Variants in DPH6 observed in about 807,000 individuals in gnomAD.
The protein encoded by DPH6 is diphthine--ammonia ligase.
A neutral mutation model predicts 38.2 loss-of-function variants in DPH6; 33 were observed. The ratio of observed to expected loss-of-function variants is 0.86; its 90% CI spans 0.65 to 1.15. The LOEUF (loss-of-function observed/expected upper bound fraction) is 1.15. Among genes scored for constraint, DPH6 ranks in the 50% most tolerant of loss-of-function variants. The pLI is 0.00. For synonymous variants in DPH6, 108 were observed against 103.0 expected, an observed-to-expected ratio of 1.05 and a Z score of -0.30; for missense variants, 325 against 320.0, an observed-to-expected ratio of 1.02 and a Z score of -0.12.
At chr15:35,208,570 C>T in the DPH6 span, among the ~76,000 whole-genome samples, 1 of 152,238 alleles carries the variant, frequency 6.6e-6, no homozygotes, top group Non-Finnish European at 1.5e-5. Flanking sequence ...AGCATGACCT[C>T]ATCTTCCCTT....
intron 5 of DPH6, among the ~76,000 whole-genome samples, chr15:35,441,440 G>A (rs2053786554): frequency 6.6e-6 from 1 of 152,308 alleles, no homozygotes. Context: ...ACTGGATAAA[G>A]AAAATGTGGC....
intron 3 of DPH6, among the ~76,000 whole-genome samples, chr15:35,257,898 T>C (rs2051718900): frequency 1.3e-5 from 2 of 152,070 alleles, no homozygotes; most frequent in African/African-American, 4.8e-5. Flanking sequence ...TGAATAGTAT[T>C]ATCCTTAGAA....
At chr15:35,481,960 G>A (rs1439385899) in intron 3 of DPH6, among the ~76,000 whole-genome samples, 3 of 152,166 alleles carry the variant, frequency 2.0e-5, no homozygotes, top group Non-Finnish European at 4.4e-5. Context: ...TCAAGGATCT[G>A]GAAACTGACC....
At chr15:35,338,128 C>CTT (rs2052388813) in intron 3 of DPH6, among the ~76,000 whole-genome samples, 1 of 152,006 alleles carries the variant, frequency 6.6e-6, no homozygotes, top group East Asian at 1.9e-4. Flanking sequence ...TGGGCAAGGA[C>CTT]TTCACATCTA....
intron 5 of DPH6, among the ~76,000 whole-genome samples, chr15:35,415,243 TCTAA>T (rs975201236): frequency 4.4e-4 from 67 of 151,928 alleles, no homozygotes; most frequent in South Asian, 1.2e-3. Context: ...TAGCCTTCCC[TCTAA>T]CTGTGTGTGT....
chr15:35,173,971 G>T, the DPH6 span, among the ~76,000 whole-genome samples: 2 of 152,124 alleles, frequency 1.3e-5, no homozygotes, highest in African/African-American at 4.8e-5. Flanking sequence ...TGCTGGTTTA[G>T]GTGTTTATGA....
At chr15:35,209,965 A>T in the DPH6 span, among the ~76,000 whole-genome samples, 1 of 152,224 alleles carries the variant, frequency 6.6e-6, no homozygotes, top group African/African-American at 2.4e-5. Context: ...TATCCAGAGC[A>T]GTGGCAGTGA....
At chr15:35,384,351 C>T (rs903528136) in intron 6 of DPH6, among the ~76,000 whole-genome samples, 4 of 152,156 alleles carry the variant, frequency 2.6e-5, no homozygotes, top group South Asian at 2.1e-4. Flanking sequence ...ACATAGTTTT[C>T]ATGCCATCTA....
Position 35,521,203 on chromosome 15 carries a change from A to C in DPH6, c.312+17071T>G, listed in dbSNP as rs112809854. On this transcript the variant is annotated intron_variant, in intron 3 of 8. Transcript: ENST00000256538. ...TATTGCTCCCTTAAATTATTAATTTATGGGTTTTGCTTAGTTTCCTCCTAA... is the reference window on the plus strand; with the variant it reads ...TATTGCTCCCTTAAATTATTAATTTCTGGGTTTTGCTTAGTTTCCTCCTAA... 1,485 of 985,372 alleles carry C rather than the reference A, an allele frequency of 1.5e-3. 23 individuals are homozygous for C. In the African/African-American group the frequency reaches 0.024, roughly 16 times the overall value. 61.0% of individuals were successfully genotyped at this position (985,372 alleles called of 1,614,324 possible).
intron 5 of DPH6, among the ~76,000 whole-genome samples, chr15:35,441,213 G>A (rs751064441): frequency 2.6e-5 from 4 of 152,158 alleles, no homozygotes; most frequent in Non-Finnish European, 5.9e-5. Context: ...CTGTTGGTGG[G>A]AGTGTAAATT....
At chr15:35,476,774 AAAGTGTATTAT>A (rs1480313669) in intron 3 of DPH6, among the ~76,000 whole-genome samples, 1 of 151,904 alleles carries the variant, frequency 6.6e-6, no homozygotes, top group Non-Finnish European at 1.5e-5. Context: ...TGCCAGTAAC[AAAGTGTATTAT>A]AAGTAACAAT....
At chr15:35,330,978 T>A (rs900940607) in exon 4 of DPH6, 1 of 152,210 alleles carries the variant, frequency 6.6e-6, no homozygotes, top group Non-Finnish European at 1.5e-5. Flanking sequence ...AGCAGCTGCA[T>A]GTAACATGCT....
At chr15:35,403,253 G>T (rs1265886447) in intron 6 of DPH6, among the ~76,000 whole-genome samples, 1 of 151,850 alleles carries the variant, frequency 6.6e-6, no homozygotes, top group Non-Finnish European at 1.5e-5. Context: ...ATTATATTTT[G>T]AATTTTCAGC....
In DPH6 at chr15:35,491,696, CAT is replaced by C. The variant is rs556008929; in HGVS notation, c.313-36878_313-36877del. 2.4e-3 allele frequency among the ~76,000 whole-genome samples: 325 copies of C among 132,750 alleles called. 2 individuals are homozygous for C. The highest frequency in any genetic ancestry group is 7.9e-3 in the African/African-American group (315 of 39,908). The allele number at this position is 132,750 out of a possible 152,430, so 87.1% of individuals were successfully genotyped here. A position where few individuals can be genotyped will look rare whatever the true frequency, so the allele number is the denominator to read the frequency against. On this transcript the variant is annotated intron_variant, in intron 3 of 8. Transcript: ENST00000256538. ...AGATTTATGTGTATGTATATACACA[CAT>C]ATAAATATCTTTATATATGTAGATG...
chr15:35,337,432 T>A (rs1318035270), intron 3 of DPH6, among the ~76,000 whole-genome samples: 1 of 152,158 alleles, frequency 6.6e-6, no homozygotes, highest in Admixed American at 6.6e-5. Flanking sequence ...CCATTCACAA[T>A]GGCTTCAAAG....
chr15:35,373,590 G>T lies in DPH6; in HGVS notation c.681C>A (p.Val227=). ...GTGCAAATGCATCAGCTGAATGTATGACTACTTCTGATGAATCCCTGAAAT... is the reference window on the plus strand; with the variant it reads ...GTGCAAATGCATCAGCTGAATGTATTACTACTTCTGATGAATCCCTGAAAT... The part of the protein sequence containing the change: ...KKIIVDSSEV[V]IHSADAFAPV... The change falls in exon 8 of 9, where the codon GTC becomes GTA. Residue 227 remains valine, a synonymous_variant. Coordinates refer to ENST00000256538, the MANE Select transcript of DPH6 (RefSeq NM_080650.4). 1 of 1,608,152 alleles carries T rather than the reference G, an allele frequency of 6.2e-7. No homozygotes were observed. Among genetic ancestry groups the T allele is most frequent in the South Asian group, 1.1e-5 (1 of 90,110 alleles).
At chr15:35,527,778 T>C (rs1193480606) in intron 3 of DPH6, among the ~76,000 whole-genome samples, 1 of 152,020 alleles carries the variant, frequency 6.6e-6, no homozygotes, top group African/African-American at 2.4e-5. Flanking sequence ...TGTAGGAGAA[T>C]CTGAGAAAAG....
At chr15:35,407,737 G>A (rs1174900522) in intron 6 of DPH6, among the ~76,000 whole-genome samples, 3 of 151,876 alleles carry the variant, frequency 2.0e-5, no homozygotes, top group Non-Finnish European at 2.9e-5. Context: ...GAAAAAGGGA[G>A]AATAAAGTGT....
chr15:35,393,069 G>A (rs1482399288), intron 6 of DPH6, among the ~76,000 whole-genome samples: 1 of 152,148 alleles, frequency 6.6e-6, no homozygotes, highest in African/African-American at 2.4e-5. Flanking sequence ...CCACGGAGAG[G>A]TTTTAAGCAA....
Sources: gnomAD v4.1 joint callset for allele counts (sites outside exome capture counted in the v4.1 genomes callset) on GRCh38, gnomAD v4.1.1 for gene constraint, MANE v1.5 for transcripts, NCBI Gene and HGNC (gene_info 2026-07-23, HGNC 2026-07-21) for gene names.